The following KL variants were observed in gnomAD, a reference collection of about 807,000 sequenced individuals.
KL encodes the protein klotho.
Under a neutral mutation model 84.2 loss-of-function variants are expected in KL, and 62 were observed. The ratio of observed to expected loss-of-function variants is 0.74; its 90% confidence interval spans 0.60 to 0.91. KL has a LOEUF of 0.91. Ranked by LOEUF, KL falls within the 40% of genes least tolerant of loss-of-function variation. The pLI is 0.00. For synonymous variants in KL, 528 were observed against 528.0 expected (o/e 1.00, Z 0.00); for missense variants, 1,261 against 1,305.7 (o/e 0.97, Z 0.53).
At chr13:33,026,634 A>G (rs1176466956) in intron 1 of KL, among the ~76,000 whole-genome samples, 1 of 151,966 alleles carries the variant, frequency 6.6e-6, no homozygotes, top group Non-Finnish European at 1.5e-5. Context: ...GTTAAGCACC[A>G]CTCACTATCT....
chr13:33,029,120 A>T (rs1198392550), intron 1 of KL, among the ~76,000 whole-genome samples: 1 of 152,230 alleles, frequency 6.6e-6, no homozygotes, highest in Non-Finnish European at 1.5e-5. Context: ...AAAAAGACAT[A>T]AATATTTTTT....
Position 33,060,817 on chromosome 13 carries a change from C to G in KL, c.1738C>G (p.Pro580Ala), listed in dbSNP as rs758090483. ...SYCVDFAAIQ[P>A]QIALLQEMHV... is the part of the protein sequence containing the mutation. ...CTGTGTTGACTTTGCTGCCATCCAG[C>G]CCCAGATCGCTTTACTCCAGGAAAT... is the stretch of plus-strand genomic sequence containing the variant. Residue 580 changes from proline (P) to alanine (A), a missense_variant, in exon 4 of 5, where the codon CCC becomes GCC. Transcript: ENST00000380099. 1 of 1,614,196 alleles carries G rather than the reference C, an allele frequency of 6.2e-7. No individual in the cohort carries two copies. Among genetic ancestry groups the G allele is most frequent in the African/African-American group, 1.3e-5 (1 of 75,058 alleles).
intron 1 of KL, among the ~76,000 whole-genome samples, chr13:33,033,112 T>C (rs1220157984): frequency 6.6e-6 from 1 of 152,222 alleles, no homozygotes; most frequent in East Asian, 1.9e-4. Flanking sequence ...ATAGCAGTCC[T>C]GAAAAAGTGC....
At chr13:33,034,743 G>A (rs1871096788) in intron 1 of KL, among the ~76,000 whole-genome samples, 1 of 152,038 alleles carries the variant, frequency 6.6e-6, no homozygotes, top group Admixed American at 6.5e-5. Context: ...TCCCTGTTGT[G>A]CCCCAAAGTG....
intron 1 of KL, among the ~76,000 whole-genome samples, chr13:33,022,576 T>A (rs1468526166): frequency 6.6e-6 from 1 of 152,232 alleles, no homozygotes. Flanking sequence ...ATGCTCTATT[T>A]TGATGTATTC....
rs1208064382 is a variant in KL at position 33,016,911 on chromosome 13, C to T, written c.471C>T (p.Leu157=). 6.2e-7 allele frequency: 1 copy of T among 1,611,764 alleles called. No homozygotes were observed. Among genetic ancestry groups the T allele is most frequent in the South Asian group, 1.1e-5 (1 of 90,966 alleles). The change falls in exon 1 of 5, where the codon CTC becomes CTT. Residue 157 remains leucine, a synonymous_variant. Coordinates refer to ENST00000380099, the MANE Select transcript of KL (RefSeq NM_004795.4). ...TCTCCATCTCGTGGGCGCGAGTGCT[C>T]CCCAATGGCAGCGCGGGCGTCCCCA... ...YRFSISWARV[L]PNGSAGVPNR...
chr13:33,052,387 G>A (rs984413494), intron 1 of KL, among the ~76,000 whole-genome samples: 2 of 152,118 alleles, frequency 1.3e-5, no homozygotes, highest in African/African-American at 2.4e-5. Context: ...AGTGTGGCAC[G>A]ATTAAGACCC....
At chr13:33,054,863 C>T (rs952601227) in intron 2 of KL, among the ~76,000 whole-genome samples, 184 bp from the exon 3 acceptor site, 1 of 152,094 alleles carries the variant, frequency 6.6e-6, no homozygotes, top group Non-Finnish European at 1.5e-5. Context: ...ATTTTGAGGG[C>T]ATTTATTTGT....
intron 1 of KL, among the ~76,000 whole-genome samples, chr13:33,039,887 T>A (rs1170821994): frequency 6.6e-6 from 1 of 152,200 alleles, no homozygotes; most frequent in Non-Finnish European, 1.5e-5. Context: ...ATTCTACTGG[T>A]CTTCCTGTTA....
rs913823813 is a variant in KL at position 33,059,504 on chromosome 13, G to A, written c.1600-1175G>A. ...TATTTTTTTTTTGAGATGAAGTCTC[G>A]CTCTGTCACTCAGGCTGGAGTGCAG... is the stretch of plus-strand genomic sequence containing the variant. On this transcript the variant is annotated intron_variant, in intron 3 of 4. Transcript: ENST00000380099. Among the ~76,000 whole-genome samples, 7 of 150,548 alleles carry A rather than the reference G, an allele frequency of 4.6e-5. No homozygotes were observed. In the South Asian group the frequency reaches 8.4e-4, roughly 18 times the overall value.
At chr13:33,033,972 G>T (rs1871070936) in intron 1 of KL, among the ~76,000 whole-genome samples, 1 of 151,860 alleles carries the variant, frequency 6.6e-6, no homozygotes, top group African/African-American at 2.4e-5. Context: ...CCCTCAGATT[G>T]CCTTCTTTTG....
intron 3 of KL, among the ~76,000 whole-genome samples, chr13:33,058,697 A>G (rs566193977): frequency 2.6e-5 from 4 of 152,160 alleles, no homozygotes; most frequent in Non-Finnish European, 5.9e-5. Context: ...CTAGTCTTTC[A>G]TATTTGTTTT....
At chr13:33,050,848 T>A (rs1345344834) in intron 1 of KL, among the ~76,000 whole-genome samples, 1 of 152,256 alleles carries the variant, frequency 6.6e-6, no homozygotes, top group Non-Finnish European at 1.5e-5. Flanking sequence ...ACTTGCATTA[T>A]GTCATTTAAT....
chr13:33,021,807 A>G (rs1296288455), intron 1 of KL, among the ~76,000 whole-genome samples: 1 of 152,152 alleles, frequency 6.6e-6, no homozygotes, highest in Non-Finnish European at 1.5e-5. Context: ...TCGTTTGAAC[A>G]TGGGAGGCAG....
At position 33,061,529 on chromosome 13, in the gene KL, A is replaced by G; in HGVS notation, c.2450A>G (p.Glu817Gly). The G allele has an allele frequency of 1.2e-6, 2 of 1,614,218 alleles. No individual in the cohort carries two copies. The highest frequency in any genetic ancestry group is 1.7e-6 in the Non-Finnish European group (2 of 1,180,042). ...TATACCACCATCCTTGTAGACTCAG[A>G]AAAAGAAGATCCAATAAAATACAAT... Reference protein sequence around the residue: ...SHYTTILVDSEKEDPIKYNDY... With the variant: ...SHYTTILVDSGKEDPIKYNDY... The change falls in exon 4 of 5, where the codon GAA becomes GGA. Residue 817 changes from glutamate (E) to glycine (G), a missense_variant. By Grantham distance (98) the Glu-to-Gly change is moderately conservative. Coordinates refer to ENST00000380099, the MANE Select transcript of KL (RefSeq NM_004795.4).
At chr13:33,039,479 C>T (rs1032790982) in intron 1 of KL, among the ~76,000 whole-genome samples, 9 of 152,036 alleles carry the variant, frequency 5.9e-5, no homozygotes, top group Non-Finnish European at 1.2e-4. Context: ...GAGCCACCAA[C>T]TTAGGAAGAA....
At position 33,061,589 on chromosome 13, in the gene KL, C is replaced by T. The variant is rs1332902917; in HGVS notation, c.2510C>T (p.Thr837Met). 3.7e-6 allele frequency: 6 copies of T among 1,614,180 alleles called. No homozygotes were observed. The highest frequency in any genetic ancestry group is 5.1e-6 in the Non-Finnish European group (6 of 1,180,028). Residue 837 changes from threonine (T) to methionine (M), a missense_variant, in exon 4 of 5, where the codon ACG becomes ATG. By Grantham distance (81) the Thr-to-Met change is moderately conservative (BLOSUM62 -1). Transcript: ENST00000380099. ...GAAGTGCAAGAAATGACCGACATCA[C>T]GTGGCTCAACTCCCCCAGTCAGGTG... Reference protein sequence around the residue: ...YLEVQEMTDITWLNSPSQVAV... With the variant: ...YLEVQEMTDIMWLNSPSQVAV...
Position 33,064,900 on chromosome 13 carries a change from G to C in KL, c.*714G>C. The C allele has an allele frequency of 4.4e-6, 1 of 228,344 alleles. No individual in the cohort carries two copies. The highest frequency in any genetic ancestry group is 8.7e-6 in the Non-Finnish European group (1 of 115,064). The allele number at this position is 228,344 out of a possible 1,614,324, so 14.1% of individuals were successfully genotyped here. ...CATCTTGTTGAGGGCCTTGCACATA[G>C]GAAACTTTTGATAAGTATCTGCGGA... On this transcript the variant is annotated 3_prime_UTR_variant, in exon 5 of 5. Transcript: ENST00000380099.
chr13:33,016,759 G>A lies in KL; in HGVS notation c.319G>A (p.Ala107Thr). 3 of 1,611,684 alleles carry A rather than the reference G, an allele frequency of 1.9e-6. No individual in the cohort carries two copies. Among genetic ancestry groups the A allele is most frequent in the African/African-American group, 1.3e-5 (1 of 74,998 alleles). The part of the protein sequence containing the change: ...PLAPPGDSRN[A>T]SLPLGAPSPL... Reference sequence around the variant, plus strand: ...GGCACCCCCGGGAGACTCCCGGAACGCCAGTCTGCCGTTGGGCGCCCCGTC... The same window carrying A: ...GGCACCCCCGGGAGACTCCCGGAACACCAGTCTGCCGTTGGGCGCCCCGTC... Residue 107 changes from alanine to threonine, a missense_variant, in exon 1 of 5, where the codon GCC becomes ACC. Ala to Thr is a moderately conservative substitution (Grantham distance 58, BLOSUM62 0). Transcript: ENST00000380099.
Sources: allele counts gnomAD v4.1 joint callset (sites outside exome capture counted in the v4.1 genomes callset), GRCh38; gene constraint gnomAD v4.1.1; transcripts MANE v1.5; gene names NCBI Gene and HGNC (gene_info 2026-07-23, HGNC 2026-07-21).